The following EDIL3 variants were observed in gnomAD, a reference collection of about 807,000 sequenced individuals.
EDIL3 encodes the protein EGF like and discoidin domains 3.
Under a neutral mutation model 67.4 loss-of-function variants are expected in EDIL3, and 37 were observed. The ratio of observed to expected loss-of-function variants is 0.55; its 90% confidence interval spans 0.42 to 0.72. The LOEUF (loss-of-function observed/expected upper bound fraction) is 0.72, where lower values mean the gene tolerates loss of function less well. EDIL3 is among the 30% of genes least tolerant of loss of function. EDIL3 has a pLI of 0.00. For synonymous variants in EDIL3, 195 were observed against 196.3 expected (o/e 0.99, Z 0.05); for missense variants, 527 against 586.3 (o/e 0.90, Z 1.04).
At chr5:83,998,481 T>C (rs1414165871) in intron 9 of EDIL3, among the ~76,000 whole-genome samples, 2 of 152,158 alleles carry the variant, frequency 1.3e-5, no homozygotes, top group Non-Finnish European at 2.9e-5. Flanking sequence ...CCTAGTACCA[T>C]GATGGCTTTT....
chr5:83,979,921 G>C (rs574252089), intron 9 of EDIL3, among the ~76,000 whole-genome samples: 1 of 152,196 alleles, frequency 6.6e-6, no homozygotes, highest in African/African-American at 2.4e-5. Flanking sequence ...AATGGGCCGG[G>C]TAACACAGCT....
At chr5:84,031,978 C>T (rs1003414602) in intron 9 of EDIL3, among the ~76,000 whole-genome samples, 7 of 152,184 alleles carry the variant, frequency 4.6e-5, no homozygotes, top group South Asian at 4.2e-4. Flanking sequence ...TACTTGTTCT[C>T]GAGACAGGAC....
intron 8 of EDIL3, among the ~76,000 whole-genome samples, chr5:84,064,116 A>G (rs1440173545): frequency 6.6e-6 from 1 of 152,120 alleles, no homozygotes; most frequent in East Asian, 1.9e-4. Context: ...GATAACCACT[A>G]TTTTTACAAT....
chr5:84,344,849 T>A (rs1011589087), intron 1 of EDIL3, among the ~76,000 whole-genome samples: 2 of 152,104 alleles, frequency 1.3e-5, no homozygotes, highest in Admixed American at 1.3e-4. Context: ...CAATAATAAA[T>A]CATGTACTCT....
At chr5:84,210,439 A>T (rs1363681430) in intron 3 of EDIL3, among the ~76,000 whole-genome samples, 3 of 152,158 alleles carry the variant, frequency 2.0e-5, no homozygotes, top group Non-Finnish European at 4.4e-5. Context: ...ACTGTATAAC[A>T]TCAAGTAATT....
chr5:84,073,384 T>C (rs1746783292), intron 6 of EDIL3, among the ~76,000 whole-genome samples: 1 of 152,090 alleles, frequency 6.6e-6, no homozygotes, highest in Admixed American at 6.6e-5. Context: ...GTGTATTCAA[T>C]TAGGAAAAGA....
intron 4 of EDIL3, among the ~76,000 whole-genome samples, chr5:84,178,554 A>C (rs1391027040): frequency 2.0e-5 from 3 of 152,188 alleles, no homozygotes; most frequent in Admixed American, 2.0e-4. Flanking sequence ...ACAGTGAGTA[A>C]GCTATCCATT....
chr5:84,140,480 C>A (rs770560765), intron 4 of EDIL3, among the ~76,000 whole-genome samples: 18 of 152,048 alleles, frequency 1.2e-4, no homozygotes, highest in Non-Finnish European at 2.2e-4. Flanking sequence ...ACAAATCAAC[C>A]TTTAAACCTT....
At chr5:84,144,786 T>C (rs1371120382) in intron 4 of EDIL3, among the ~76,000 whole-genome samples, 10 of 152,122 alleles carry the variant, frequency 6.6e-5, no homozygotes, top group Admixed American at 6.6e-4. Flanking sequence ...ATGTTTTATC[T>C]AAAATTAACT....
At chr5:84,104,906 C>T (rs1747430587) in intron 6 of EDIL3, among the ~76,000 whole-genome samples, 1 of 151,934 alleles carries the variant, frequency 6.6e-6, no homozygotes, top group South Asian at 2.1e-4. Context: ...GAAAAGCATG[C>T]TACTTATGGT....
intron 3 of EDIL3, among the ~76,000 whole-genome samples, chr5:84,181,836 G>T (rs342405): frequency 0.37 from 56,877 of 151,942 alleles, 10,997 homozygotes; most frequent in South Asian, 0.49. Context: ...TAATTGGAGA[G>T]AGTAGAACAT....
chr5:84,166,717 T>C (rs757161812), intron 4 of EDIL3, among the ~76,000 whole-genome samples: 2 of 152,098 alleles, frequency 1.3e-5, no homozygotes, highest in South Asian at 2.1e-4. Flanking sequence ...TGGAGGAAGA[T>C]GTTAAAGAAT....
intron 9 of EDIL3, among the ~76,000 whole-genome samples, chr5:84,040,159 T>A (rs1746093513): frequency 6.6e-6 from 1 of 152,198 alleles, no homozygotes; most frequent in Non-Finnish European, 1.5e-5. Flanking sequence ...TTATAGAGTT[T>A]AACACTCTAA....
chr5:84,166,701 A>T (rs1427403933), intron 4 of EDIL3, among the ~76,000 whole-genome samples: 3 of 152,170 alleles, frequency 2.0e-5, no homozygotes, highest in Non-Finnish European at 4.4e-5. Context: ...AACAGCAAAG[A>T]GATGGTGGAG....
intron 1 of EDIL3, among the ~76,000 whole-genome samples, chr5:84,262,586 A>C (rs908629089): frequency 6.6e-6 from 1 of 151,446 alleles, no homozygotes; most frequent in Admixed American, 6.6e-5. Flanking sequence ...TGTAATCCTT[A>C]CAAAATAAGT....
chr5:84,083,944 G>A (rs1256430159), intron 6 of EDIL3, among the ~76,000 whole-genome samples: 1 of 152,072 alleles, frequency 6.6e-6, no homozygotes, highest in Non-Finnish European at 1.5e-5. Flanking sequence ...AAATAAATTG[G>A]ATGATTCTGG....
At chr5:84,174,313 G>A (rs1267302321) in intron 4 of EDIL3, among the ~76,000 whole-genome samples, 3 of 152,206 alleles carry the variant, frequency 2.0e-5, no homozygotes, top group Non-Finnish European at 4.4e-5. Flanking sequence ...CAGGGTGTCT[G>A]AGGACAGAGG....
intron 6 of EDIL3, among the ~76,000 whole-genome samples, chr5:84,075,596 C>A (rs1275689480): frequency 2.0e-5 from 3 of 152,104 alleles, no homozygotes; most frequent in Non-Finnish European, 4.4e-5. Context: ...CTGCCTTAGC[C>A]TCTCGAATAG....
At chr5:83,977,480 C>T (rs1022991178) in intron 9 of EDIL3, among the ~76,000 whole-genome samples, 1 of 151,804 alleles carries the variant, frequency 6.6e-6, no homozygotes, top group Non-Finnish European at 1.5e-5. Flanking sequence ...CGAAGCTTCA[C>T]TCTCTGTCTT....
Sources: gnomAD v4.1 joint callset for allele counts (sites outside exome capture counted in the v4.1 genomes callset) on GRCh38, gnomAD v4.1.1 for gene constraint, MANE v1.5 for transcripts, NCBI Gene and HGNC (gene_info 2026-07-23, HGNC 2026-07-21) for gene names.